The following GRM8 variants were observed in gnomAD, a reference collection of about 807,000 sequenced individuals.
The protein encoded by GRM8 is metabotropic glutamate receptor 8.
A neutral mutation model predicts 87.2 loss-of-function variants in GRM8; 47 were observed. The observed-to-expected ratio is 0.54, with a 90% CI of 0.43 to 0.69. GRM8 has a LOEUF of 0.69. Ranked by LOEUF, GRM8 falls within the 30% of genes least tolerant of loss-of-function variation. GRM8 has a pLI of 0.00. For synonymous variants in GRM8, 396 were observed against 404.5 expected (o/e 0.98, Z 0.25); for missense variants, 1,019 against 1,139.2 (o/e 0.89, Z 1.52).
intron 2 of GRM8, among the ~76,000 whole-genome samples, chr7:127,223,307 A>G (rs1797057313): frequency 6.6e-6 from 1 of 151,956 alleles, no homozygotes; most frequent in African/African-American, 2.4e-5. Context: ...TAGACCAAAA[A>G]CAAATAAGCA....
At chr7:126,957,524 C>T (rs1808843151) in intron 3 of GRM8, among the ~76,000 whole-genome samples, 1 of 152,214 alleles carries the variant, frequency 6.6e-6, no homozygotes, top group Non-Finnish European at 1.5e-5. Flanking sequence ...GAAGTGCCTG[C>T]TCCTGATCCC....
At chr7:126,644,543 A>G (rs1802824259) in intron 7 of GRM8, among the ~76,000 whole-genome samples, 1 of 152,182 alleles carries the variant, frequency 6.6e-6, no homozygotes, top group Non-Finnish European at 1.5e-5. Context: ...TCATGAAAAC[A>G]TTGGCTAGTT....
chr7:127,234,236 A>G (rs1258079646), intron 2 of GRM8, among the ~76,000 whole-genome samples: 1 of 152,178 alleles, frequency 6.6e-6, no homozygotes, highest in Non-Finnish European at 1.5e-5. Context: ...TCAATTCCCA[A>G]TTAATGTATA....
intron 7 of GRM8, among the ~76,000 whole-genome samples, chr7:126,729,968 T>C (rs1813415960): frequency 2.0e-5 from 3 of 152,082 alleles, no homozygotes; most frequent in East Asian, 1.9e-4. Flanking sequence ...GCTAAGATAA[T>C]AGAAATATAG....
rs371067385 is a variant in GRM8 at position 126,664,235 on chromosome 7, G to A, written c.1358-54737C>T. Among the ~76,000 whole-genome samples, 4 of 152,200 alleles carry A rather than the reference G, an allele frequency of 2.6e-5. No homozygotes were observed. The East Asian group carries it at 7.7e-4, about 29-fold the overall frequency. On this transcript the variant is annotated intron_variant, in intron 7 of 10. Coordinates refer to ENST00000339582, the MANE Select transcript of GRM8 (RefSeq NM_000845.3). ...GCCCAAAGCAATCTACAGATTCAATGCTATTCCTATCAAATTATCAATGTT... is the reference window on the plus strand; with the variant it reads ...GCCCAAAGCAATCTACAGATTCAATACTATTCCTATCAAATTATCAATGTT...
At chr7:126,892,380 C>T (rs1360693217) in intron 6 of GRM8, among the ~76,000 whole-genome samples, 36 of 151,982 alleles carry the variant, frequency 2.4e-4, no homozygotes, top group Admixed American at 2.6e-4. Context: ...AGTGAGAACA[C>T]GCGGTGTTTG....
At chr7:126,585,084 T>G (rs1176157130) in intron 8 of GRM8, among the ~76,000 whole-genome samples, 2 of 152,152 alleles carry the variant, frequency 1.3e-5, no homozygotes, top group African/African-American at 4.8e-5. Context: ...TCGCTTCTAT[T>G]TATACAAATA....
intron 3 of GRM8, among the ~76,000 whole-genome samples, chr7:127,009,973 G>C (rs531265692): frequency 4.6e-5 from 7 of 151,924 alleles, no homozygotes; most frequent in Non-Finnish European, 1.0e-4. Context: ...CTCCCAAGTA[G>C]GTGGGACTAC....
chr7:126,686,619 CGCA>C (rs61261950), intron 7 of GRM8, among the ~76,000 whole-genome samples: 2 of 152,140 alleles, frequency 1.3e-5, no homozygotes, highest in Admixed American at 6.5e-5. Context: ...CTGCCTGCCC[CGCA>C]GCAGCAGCAG....
intron 2 of GRM8, among the ~76,000 whole-genome samples, chr7:127,220,164 G>A (rs1326388016): frequency 2.6e-5 from 4 of 152,100 alleles, no homozygotes; most frequent in Non-Finnish European, 4.4e-5. Context: ...CACTAACTTC[G>A]AACAGCTCCA....
intron 2 of GRM8, among the ~76,000 whole-genome samples, chr7:127,130,047 T>C (rs17869487): frequency 0.1 from 15,358 of 152,164 alleles, 2,618 homozygotes; most frequent in African/African-American, 0.35. Flanking sequence ...TCATGAGATC[T>C]AATGGTTTAA....
intron 7 of GRM8, among the ~76,000 whole-genome samples, chr7:126,696,093 T>C (rs1030902086): frequency 6.6e-6 from 1 of 152,110 alleles, no homozygotes; most frequent in Admixed American, 6.5e-5. Context: ...GAAGGCTTGA[T>C]TGAAGGTAGA....
chr7:126,844,684 A>G (rs1338675424), intron 6 of GRM8, among the ~76,000 whole-genome samples: 2 of 152,156 alleles, frequency 1.3e-5, no homozygotes, highest in African/African-American at 4.8e-5. Flanking sequence ...CACCATGGTC[A>G]GGTTCTGGGG....
At chr7:126,568,833 T>C (rs1243244912) in intron 8 of GRM8, among the ~76,000 whole-genome samples, 1 of 152,162 alleles carries the variant, frequency 6.6e-6, no homozygotes, top group Non-Finnish European at 1.5e-5. Context: ...CAATTGTTTG[T>C]AGCTCTTTAA....
chr7:126,578,940 A>C (rs1305276901), intron 8 of GRM8, among the ~76,000 whole-genome samples: 3 of 152,196 alleles, frequency 2.0e-5, no homozygotes, highest in Non-Finnish European at 2.9e-5. Flanking sequence ...TAACCCTACA[A>C]GGAAATTTTT....
intron 6 of GRM8, among the ~76,000 whole-genome samples, chr7:126,772,087 A>G (rs1818903833): frequency 6.6e-6 from 1 of 152,142 alleles, no homozygotes; most frequent in Admixed American, 6.6e-5. Flanking sequence ...TAGATCATTC[A>G]TAAGTAAATA....
At chr7:127,052,861 G>T (rs951261802) in intron 3 of GRM8, among the ~76,000 whole-genome samples, 1 of 152,114 alleles carries the variant, frequency 6.6e-6, no homozygotes, top group African/African-American at 2.4e-5. Flanking sequence ...CTAGTTTGTA[G>T]ATTCTGTCTT....
At chr7:126,587,322 A>G (rs1389334693) in intron 8 of GRM8, among the ~76,000 whole-genome samples, 1 of 152,220 alleles carries the variant, frequency 6.6e-6, no homozygotes, top group Non-Finnish European at 1.5e-5. Flanking sequence ...CCATCCCATT[A>G]CTGGGTATGT....
chr7:127,126,013 T>TA (rs140313137), intron 2 of GRM8, among the ~76,000 whole-genome samples: 59,053 of 151,744 alleles, frequency 0.39, 13,644 homozygotes, highest in African/African-American at 0.65. Context: ...AGGGAATGCT[T>TA]TATACTGTTG....
Sources: allele counts gnomAD v4.1 joint callset (sites outside exome capture counted in the v4.1 genomes callset), GRCh38; gene constraint gnomAD v4.1.1; transcripts MANE v1.5; gene names NCBI Gene and HGNC (gene_info 2026-07-23, HGNC 2026-07-21).